The following EYS variants were observed in gnomAD, a reference collection of about 807,000 sequenced individuals.
EYS encodes EGF-like photoreceptor maintenance factor, also known as protein eyes shut homolog.
Under a neutral mutation model 282.1 loss-of-function variants are expected in EYS, and 250 were observed. The observed-to-expected ratio is 0.89, with a 90% CI of 0.80 to 0.98. The LOEUF is 0.98. Among genes scored for constraint, EYS ranks in the 50% least tolerant of loss-of-function variants. EYS has a pLI of 0.00. For missense variants in EYS, 4,016 were observed against 3,709.0 expected (o/e 1.08, Z -2.15); for synonymous variants, 1,355 against 1,282.9 (o/e 1.06, Z -1.20).
intron 12 of EYS, among the ~76,000 whole-genome samples, chr6:65,259,128 G>A (rs1767548834): frequency 6.6e-6 from 1 of 152,032 alleles, no homozygotes; most frequent in Non-Finnish European, 1.5e-5. Context: ...CTGAGGTCTT[G>A]TGTCTCTTCC....
chr6:65,376,743 C>A (rs540582580), intron 8 of EYS, among the ~76,000 whole-genome samples: 2 of 151,950 alleles, frequency 1.3e-5, no homozygotes, highest in Non-Finnish European at 2.9e-5. Context: ...ATAAAACAGA[C>A]GTTAAACCAA....
intron 35 of EYS, among the ~76,000 whole-genome samples, chr6:63,908,121 T>A (rs971259243): frequency 3.3e-5 from 5 of 150,474 alleles, no homozygotes; most frequent in Admixed American, 3.3e-4. Context: ...CATCACATGA[T>A]AGACAGGTTG....
At chr6:64,645,857 T>G (rs1219285436) in intron 22 of EYS, among the ~76,000 whole-genome samples, 1 of 152,184 alleles carries the variant, frequency 6.6e-6, no homozygotes, top group East Asian at 1.9e-4. Flanking sequence ...ACAGGCATAT[T>G]GTTGAGATGA....
rs72874995 is a variant in EYS, at chr6:64,576,290, G to T, written c.5644+13933C>A. On this transcript the variant is annotated intron_variant, in intron 26 of 42. Transcript: ENST00000503581. Reference sequence around the variant, plus strand: ...CAGTGCGTTTCCTACTTGTTCTTTGGAAGTAACTTCCACAATCCATCTTTT... The same window carrying T: ...CAGTGCGTTTCCTACTTGTTCTTTGTAAGTAACTTCCACAATCCATCTTTT... Among the ~76,000 whole-genome samples the T allele has an allele frequency of 3.7e-3, 565 of 152,064 alleles. 2 individuals carry two copies. The highest frequency in any genetic ancestry group is 5.1e-3 in the Non-Finnish European group (344 of 67,982).
chr6:65,012,250 A>T (rs905426887), intron 13 of EYS, among the ~76,000 whole-genome samples: 9 of 152,238 alleles, frequency 5.9e-5, no homozygotes, highest in Non-Finnish European at 1.0e-4. Flanking sequence ...TTGATTCAAG[A>T]GAAACCATAT....
At chr6:65,320,113 C>T (rs1478851412) in intron 11 of EYS, among the ~76,000 whole-genome samples, 2 of 151,326 alleles carry the variant, frequency 1.3e-5, no homozygotes, top group Admixed American at 1.3e-4. Flanking sequence ...AATTAACTAG[C>T]GAGTTTAAGT....
intron 35 of EYS, among the ~76,000 whole-genome samples, chr6:63,983,210 A>T (rs1767184744): frequency 6.6e-6 from 1 of 151,768 alleles, no homozygotes; most frequent in Non-Finnish European, 1.5e-5. Context: ...CTGTTATTGT[A>T]CCAATGTATA....
At chr6:65,439,326 GC>G (rs1768208965) in intron 5 of EYS, among the ~76,000 whole-genome samples, 1 of 151,960 alleles carries the variant, frequency 6.6e-6, no homozygotes, top group Non-Finnish European at 1.5e-5. Context: ...ACTTGGCAAT[GC>G]AGGCTCTTTT....
intron 22 of EYS, among the ~76,000 whole-genome samples, chr6:64,704,488 TTATAA>T (rs10600202): frequency 0.041 from 380 of 9,216 alleles, 10 homozygotes; most frequent in South Asian, 0.21. Flanking sequence ...TATATTATAA[TTATAA>T]TATAATACTT....
At chr6:64,673,313 C>A (rs1769532252) in intron 22 of EYS, among the ~76,000 whole-genome samples, 1 of 152,042 alleles carries the variant, frequency 6.6e-6, no homozygotes, top group Non-Finnish European at 1.5e-5. Context: ...GGAAGATGAA[C>A]ATTATTTATG....
chr6:64,672,640 A>G (rs1769505952), intron 22 of EYS, among the ~76,000 whole-genome samples: 1 of 152,150 alleles, frequency 6.6e-6, no homozygotes, highest in Non-Finnish European at 1.5e-5. Flanking sequence ...TCCACTATCA[A>G]TTTGGATTTC....
At chr6:65,694,755 A>T (rs1256020718) in intron 1 of EYS, among the ~76,000 whole-genome samples, 2 of 139,714 alleles carry the variant, frequency 1.4e-5, no homozygotes, top group African/African-American at 5.0e-5. Flanking sequence ...AAAAAAAAAA[A>T]AAACTTTGTA....
chr6:63,951,798 T>G (rs1393404000), intron 35 of EYS, among the ~76,000 whole-genome samples: 64 of 152,044 alleles, frequency 4.2e-4, no homozygotes. Flanking sequence ...CTCTCCCAAA[T>G]CAGTTAGCAT....
chr6:64,296,590 ATATATATATTTTTTTT>A (rs1561913856), intron 30 of EYS, among the ~76,000 whole-genome samples: 67 of 4,654 alleles, frequency 0.014, no homozygotes, highest in African/African-American at 0.053. Flanking sequence ...ATATACATAT[ATATATATATTTTTTTT>A]TTTTTTTTTT....
intron 1 of EYS, among the ~76,000 whole-genome samples, chr6:65,670,996 A>G (rs1768374177): frequency 1.3e-5 from 2 of 151,946 alleles, no homozygotes; most frequent in African/African-American, 4.8e-5. Context: ...GTCTTTTCAA[A>G]TGTTGTTAAA....
chr6:64,694,334 C>T (rs1770502755), intron 22 of EYS, among the ~76,000 whole-genome samples: 1 of 152,164 alleles, frequency 6.6e-6, no homozygotes. Flanking sequence ...AAACAGCTCA[C>T]ATGGCATGTA....
At chr6:65,385,928 C>CT (rs1454942997) in intron 7 of EYS, among the ~76,000 whole-genome samples, 17 of 151,852 alleles carry the variant, frequency 1.1e-4, no homozygotes, top group African/African-American at 3.9e-4. Context: ...AGAGCTTTAG[C>CT]ATATCCTAAA....
chr6:65,585,553 AAAT>A (rs1303920052), intron 2 of EYS, among the ~76,000 whole-genome samples: 1 of 152,012 alleles, frequency 6.6e-6, no homozygotes, highest in Non-Finnish European at 1.5e-5. Context: ...AATGTTAAAT[AAAT>A]AATACAATGC....
chr6:64,999,132 T>A (rs1771371736), intron 13 of EYS, among the ~76,000 whole-genome samples: 1 of 152,254 alleles, frequency 6.6e-6, no homozygotes, highest in Non-Finnish European at 1.5e-5. Context: ...TCTAACACTT[T>A]ATTCTGGAAT....
Sources: allele counts gnomAD v4.1 joint callset (sites outside exome capture counted in the v4.1 genomes callset), GRCh38; gene constraint gnomAD v4.1.1; transcripts MANE v1.5; gene names NCBI Gene and HGNC (gene_info 2026-07-23, HGNC 2026-07-21).